Variants in BCKDHB observed in about 807,000 individuals in gnomAD.
The protein encoded by BCKDHB is branched chain keto acid dehydrogenase E1 subunit beta.
BCKDHB carries 41 observed loss-of-function variants against 48.5 expected under a neutral mutation model. The observed-to-expected ratio is 0.85, with a 90% CI of 0.66 to 1.10. The LOEUF is 1.10. BCKDHB is among the 50% of genes least tolerant of loss of function. The probability of loss-of-function intolerance (pLI) is 0.00; values close to 1 mark genes in which losing one functional copy is unlikely to be tolerated. For synonymous variants in BCKDHB, 201 were observed against 174.8 expected (o/e 1.15, Z -1.18); for missense variants, 496 against 494.2 (o/e 1.00, Z -0.03).
intron 1 of BCKDHB, 147 bp downstream of exon 1, chr6:80,107,036 G>A (rs1769111045): frequency 1.9e-6 from 2 of 1,048,744 alleles, no homozygotes; most frequent in Admixed American, 2.1e-5. Flanking sequence ...TTGCCTCAGG[G>A]TCTAACTGTG....
intron 8 of BCKDHB, among the ~76,000 whole-genome samples, chr6:80,254,991 T>G (rs529967515): frequency 6.6e-6 from 1 of 152,342 alleles, no homozygotes; most frequent in African/African-American, 2.4e-5. Flanking sequence ...CCAAAGTGTG[T>G]GAAACAACAG....
intron 8 of BCKDHB, among the ~76,000 whole-genome samples, chr6:80,215,499 C>T (rs1174677497): frequency 6.6e-6 from 1 of 152,134 alleles, no homozygotes; most frequent in Non-Finnish European, 1.5e-5. Context: ...GCTATATCTG[C>T]AAGAGTCCTG....
intron 9 of BCKDHB, among the ~76,000 whole-genome samples, chr6:80,341,513 T>C (rs1769906021): frequency 6.6e-6 from 1 of 152,206 alleles, no homozygotes; most frequent in African/African-American, 2.4e-5. Context: ...TGCAGACATA[T>C]AGATGTATTC....
intron 8 of BCKDHB, among the ~76,000 whole-genome samples, chr6:80,246,168 T>C (rs1252639820): frequency 6.6e-6 from 1 of 152,208 alleles, no homozygotes; most frequent in Non-Finnish European, 1.5e-5. Context: ...TGTAATAATT[T>C]ATGATTCTCT....
the BCKDHB span, among the ~76,000 whole-genome samples, chr6:80,392,184 G>C: frequency 1.3e-5 from 2 of 152,012 alleles, no homozygotes; most frequent in Non-Finnish European, 2.9e-5. Context: ...GGTAGAGGCA[G>C]GGCTCCACTA....
chr6:80,406,247 C>G, the BCKDHB span, among the ~76,000 whole-genome samples: 2 of 152,142 alleles, frequency 1.3e-5, no homozygotes, highest in South Asian at 2.1e-4. Flanking sequence ...TGGGTTTGTT[C>G]CAAGTCTTTG....
At chr6:80,426,828 T>A in the BCKDHB span, among the ~76,000 whole-genome samples, 5 of 152,128 alleles carry the variant, frequency 3.3e-5, no homozygotes, top group Non-Finnish European at 7.4e-5. Context: ...AAATATCTGT[T>A]AGATTAAGTT....
intron 4 of BCKDHB, 72 bp downstream of exon 4, chr6:80,167,883 A>G: frequency 7.0e-7 from 1 of 1,430,790 alleles, no homozygotes. Flanking sequence ...CCTTCCACCC[A>G]CCCTTACCTG....
At chr6:80,110,919 G>C (rs576219833) in intron 1 of BCKDHB, among the ~76,000 whole-genome samples, 84 of 152,288 alleles carry the variant, frequency 5.5e-4, no homozygotes, top group African/African-American at 1.6e-3. Context: ...TACCATGCCA[G>C]TGTGTTAACC....
the BCKDHB span, among the ~76,000 whole-genome samples, chr6:80,365,588 C>T: frequency 1.4e-4 from 21 of 152,240 alleles, no homozygotes; most frequent in Admixed American, 3.9e-4. Context: ...GTTGTCTTCC[C>T]TTGTTCCCTA....
At chr6:80,413,399 A>G in the BCKDHB span, among the ~76,000 whole-genome samples, 1 of 152,144 alleles carries the variant, frequency 6.6e-6, no homozygotes, top group African/African-American at 2.4e-5. Flanking sequence ...CATCATTCAC[A>G]TATTAAGTCC....
rs867986690 is a variant in BCKDHB at position 80,343,973 on chromosome 6, C to G, written c.*169C>G. On this transcript the variant is annotated 3_prime_UTR_variant, in exon 10 of 10. Coordinates refer to ENST00000320393, the MANE Select transcript of BCKDHB (RefSeq NM_183050.4). ...AATAATGTGCTTTAGAAAAAAAATTCAAATTTATAGTAGTATATTTACATT... is the reference window on the plus strand; with the variant it reads ...AATAATGTGCTTTAGAAAAAAAATTGAAATTTATAGTAGTATATTTACATT... The G allele has an allele frequency of 5.0e-6, 4 of 806,658 alleles. No homozygotes were observed. Among genetic ancestry groups the G allele is most frequent in the Non-Finnish European group, 6.0e-6 (3 of 499,922 alleles). 50.0% of individuals were successfully genotyped at this position (806,658 alleles called of 1,614,324 possible).
At chr6:80,374,121 A>G in the BCKDHB span, 1 of 708,354 alleles carries the variant, frequency 1.4e-6, no homozygotes, top group East Asian at 2.8e-5. Flanking sequence ...CTTTTCAGTA[A>G]GGCTCATCTC....
intron 8 of BCKDHB, among the ~76,000 whole-genome samples, chr6:80,267,233 G>A (rs1282840330): frequency 6.6e-6 from 1 of 152,032 alleles, no homozygotes; most frequent in African/African-American, 2.4e-5. Flanking sequence ...GAGGTAAATT[G>A]TGTGTCTTCC....
the BCKDHB span, among the ~76,000 whole-genome samples, chr6:80,387,031 G>T: frequency 6.6e-6 from 1 of 152,138 alleles, no homozygotes; most frequent in Non-Finnish European, 1.5e-5. Context: ...TGTGCATTGG[G>T]TAAAGGGAAA....
chr6:80,370,480 A>T, the BCKDHB span, among the ~76,000 whole-genome samples: 3 of 152,050 alleles, frequency 2.0e-5, no homozygotes, highest in Non-Finnish European at 4.4e-5. Context: ...GTGATTTATG[A>T]GATTTTGGTG....
At chr6:80,194,332 A>G (rs1451162335) in intron 6 of BCKDHB, among the ~76,000 whole-genome samples, 1 of 152,198 alleles carries the variant, frequency 6.6e-6, no homozygotes, top group Non-Finnish European at 1.5e-5. Context: ...GCATTCCCCC[A>G]TGTTAACCTC....
At chr6:80,423,458 C>G in the BCKDHB span, among the ~76,000 whole-genome samples, 1 of 152,142 alleles carries the variant, frequency 6.6e-6, no homozygotes, top group Non-Finnish European at 1.5e-5. Flanking sequence ...ACCTCTTATT[C>G]CACCATCTTG....
chr6:80,204,540 T>C (rs1774546694), intron 8 of BCKDHB, among the ~76,000 whole-genome samples: 1 of 152,058 alleles, frequency 6.6e-6, no homozygotes, highest in African/African-American at 2.4e-5. Context: ...CCACTTATCC[T>C]GGGGTTTGTA....
Sources: gnomAD v4.1 joint callset for allele counts (sites outside exome capture counted in the v4.1 genomes callset) on GRCh38, gnomAD v4.1.1 for gene constraint, MANE v1.5 for transcripts, NCBI Gene and HGNC (gene_info 2026-07-23, HGNC 2026-07-21) for gene names.